The following GSK3B variants were observed in gnomAD, a reference collection of about 807,000 sequenced individuals.
GSK3B encodes the protein glycogen synthase kinase 3 beta, also known as glycogen synthase kinase-3 beta.
Under a neutral mutation model 56.4 loss-of-function variants are expected in GSK3B, and 15 were observed. That is an observed-to-expected ratio of 0.27 (90% CI 0.18 to 0.41). GSK3B has a LOEUF of 0.41. GSK3B is among the 10% of genes least tolerant of loss of function. The pLI is 1.00. For missense variants in GSK3B, 300 were observed against 513.4 expected (o/e 0.58, Z 4.02); for synonymous variants, 181 against 188.9 (o/e 0.96, Z 0.34).
intron 2 of GSK3B, among the ~76,000 whole-genome samples, chr3:119,983,267 A>G (rs1250587792): frequency 2.6e-5 from 4 of 152,228 alleles, no homozygotes; most frequent in African/African-American, 9.6e-5. Flanking sequence ...AATTGTAAAG[A>G]CCACTGATGC....
intron 2 of GSK3B, among the ~76,000 whole-genome samples, chr3:119,954,294 GAATAGAATAGAAAAGA>G (rs2057189603): frequency 1.7e-5 from 2 of 119,836 alleles, no homozygotes; most frequent in African/African-American, 6.7e-5. Flanking sequence ...GAATAGAATA[GAATAGAATAGAAAAGA>G]AACAGAACAG....
chr3:119,972,753 T>C (rs1354336170), intron 2 of GSK3B, among the ~76,000 whole-genome samples: 3 of 152,136 alleles, frequency 2.0e-5, no homozygotes, highest in Admixed American at 6.6e-5. Context: ...CTTTTTACTG[T>C]TCTGTGATAT....
chr3:119,913,457 CCTA>C (rs2056754160), intron 5 of GSK3B, among the ~76,000 whole-genome samples: 1 of 151,924 alleles, frequency 6.6e-6, no homozygotes, highest in Non-Finnish European at 1.5e-5. Flanking sequence ...TTCCAATTTT[CCTA>C]CTAAAATACT....
At chr3:119,876,563 T>TC in intron 7 of GSK3B, 55 bp from the exon 8 acceptor site, 2 of 985,046 alleles carry the variant, frequency 2.0e-6, no homozygotes, top group Non-Finnish European at 3.2e-6. Context: ...AAATTTAGTC[T>TC]CCATGTTTTC....
At chr3:119,855,886 G>C (rs1250248104) in intron 9 of GSK3B, among the ~76,000 whole-genome samples, 1 of 152,160 alleles carries the variant, frequency 6.6e-6, no homozygotes, top group Non-Finnish European at 1.5e-5. Flanking sequence ...TAAATGACGA[G>C]TTAATGGGTG....
chr3:119,833,136 A>C (rs114409651), intron 10 of GSK3B: 2,319 of 109,358 alleles, frequency 0.021, 77 homozygotes, highest in African/African-American at 0.093. Context: ...CCCCCCGCCC[A>C]CAAATGGTCC....
chr3:119,873,536 C>A, intron 8 of GSK3B, among the ~76,000 whole-genome samples: 1 of 152,106 alleles, frequency 6.6e-6, no homozygotes, highest in East Asian at 1.9e-4. Context: ...GGAGGACATT[C>A]TATATGGTTT....
rs184076540 is a variant in GSK3B at position 119,905,870 on chromosome 3, C to G, written c.716-18G>C. 1 of 1,413,270 alleles carries G rather than the reference C, an allele frequency of 7.1e-7. No homozygotes were observed. The highest frequency in any genetic ancestry group is 1.2e-5 in the South Asian group (1 of 86,872). The allele number at this position is 1,413,270 out of a possible 1,614,324, so 87.5% of individuals were successfully genotyped here. On this transcript the variant is annotated intron_variant, in intron 6 of 10. Coordinates refer to ENST00000264235, the MANE Select transcript of GSK3B (RefSeq NM_001146156.2). ...CCATACATCTAAAGAGAAAAGAAAA[C>G]GAAGCCTTATTAATACTTCATAGCT...
intron 2 of GSK3B, among the ~76,000 whole-genome samples, chr3:119,972,008 A>G (rs2057372509): frequency 6.6e-6 from 1 of 152,234 alleles, no homozygotes; most frequent in Admixed American, 6.5e-5. Context: ...CCTAGCCTCC[A>G]GAACTGTAAG....
chr3:120,060,266 C>T (rs1447764295), intron 1 of GSK3B, among the ~76,000 whole-genome samples: 1 of 151,958 alleles, frequency 6.6e-6, no homozygotes, highest in Non-Finnish European at 1.5e-5. Context: ...ACAACAGCTG[C>T]CGATTTTTTT....
chr3:119,862,804 CAGAAATAGTGA>C (rs1292244776), intron 9 of GSK3B, among the ~76,000 whole-genome samples: 1 of 150,834 alleles, frequency 6.6e-6, no homozygotes, highest in Non-Finnish European at 1.5e-5. Context: ...AAACTGAACA[CAGAAATAGTGA>C]AGAAATAGTG....
At chr3:120,054,393 A>G (rs907311258) in intron 1 of GSK3B, among the ~76,000 whole-genome samples, 4 of 152,076 alleles carry the variant, frequency 2.6e-5, no homozygotes, top group Non-Finnish European at 5.9e-5. Flanking sequence ...TTCTACACCC[A>G]ACTTCCCAGT....
rs2056753395 is a variant in GSK3B, at chr3:119,913,389, G to T, written c.609-579C>A. ...GGCCCTTCAACTTCAGGGCAGAAAT[G>T]ATTCACTGCCTATAAATTCTAACTC... On this transcript the variant is annotated intron_variant, in intron 5 of 10. Coordinates refer to ENST00000264235, the MANE Select transcript of GSK3B (RefSeq NM_001146156.2). Among the ~76,000 whole-genome samples, 3 of 152,030 alleles carry T rather than the reference G, an allele frequency of 2.0e-5. No homozygotes were observed. In the South Asian group the frequency reaches 6.2e-4, roughly 31 times the overall value.
At chr3:119,989,947 C>A (rs537854357) in intron 2 of GSK3B, among the ~76,000 whole-genome samples, 2 of 152,158 alleles carry the variant, frequency 1.3e-5, no homozygotes, top group African/African-American at 4.8e-5. Flanking sequence ...CAGAAGAACA[C>A]GCCGTCCCTC....
intron 7 of GSK3B, among the ~76,000 whole-genome samples, chr3:119,892,227 A>G (rs1169528293): frequency 2.0e-5 from 3 of 152,158 alleles, no homozygotes; most frequent in African/African-American, 2.4e-5. Flanking sequence ...AAATCCTGCA[A>G]TTGCTTCCAA....
chr3:120,026,746 C>T (rs138312049), intron 1 of GSK3B, among the ~76,000 whole-genome samples: 2,398 of 151,304 alleles, frequency 0.016, 62 homozygotes, highest in African/African-American at 0.055. Context: ...TTAGTAGAGA[C>T]GGGCCTTCAC....
At chr3:120,055,741 A>G (rs2058186679) in intron 1 of GSK3B, among the ~76,000 whole-genome samples, 2 of 152,232 alleles carry the variant, frequency 1.3e-5, no homozygotes, top group South Asian at 4.1e-4. Flanking sequence ...GTTTCATCCT[A>G]GTCAGTCAAT....
At chr3:119,970,314 A>G (rs913786536) in intron 2 of GSK3B, among the ~76,000 whole-genome samples, 1 of 152,182 alleles carries the variant, frequency 6.6e-6, no homozygotes, top group Non-Finnish European at 1.5e-5. Context: ...CAAAGACAAT[A>G]TACGGATGGC....
chr3:119,980,762 T>A (rs1336878933), intron 2 of GSK3B, among the ~76,000 whole-genome samples: 1 of 152,188 alleles, frequency 6.6e-6, no homozygotes, highest in African/African-American at 2.4e-5. Flanking sequence ...GCTTAGGCAG[T>A]CTAGTCCACA....
Sources: gnomAD v4.1 joint callset for allele counts (sites outside exome capture counted in the v4.1 genomes callset) on GRCh38, gnomAD v4.1.1 for gene constraint, MANE v1.5 for transcripts, NCBI Gene and HGNC (gene_info 2026-07-23, HGNC 2026-07-21) for gene names.